MARVELD2: variants seen among roughly 807,000 people sequenced by gnomAD.
The protein encoded by MARVELD2 is MARVEL domain-containing protein 2.
Under a neutral mutation model 57.6 loss-of-function variants are expected in MARVELD2, and 49 were observed. That is an observed-to-expected ratio of 0.85 (90% CI 0.68 to 1.08). MARVELD2 has a LOEUF of 1.08. Among genes scored for constraint, MARVELD2 ranks in the 50% least tolerant of loss-of-function variants. The pLI is 0.00. For missense variants in MARVELD2, 606 were observed against 701.1 expected, an observed-to-expected ratio of 0.86 and a Z score of 1.53; for synonymous variants, 238 against 258.8, an observed-to-expected ratio of 0.92 and a Z score of 0.77.
At position 69,420,072 on chromosome 5, in the gene MARVELD2, A is replaced by G. The variant is rs1766568290; in HGVS notation, c.687A>G (p.Gln229=). ...SEWYNLFGYS[Q]PYGMGGVGGL... ...GGTACAACTTGTTTGGATATTCACA[A>G]CCGTATGGCATGGGAGGCGTTGGTG... Residue 229 remains glutamine (Q), a synonymous_variant, in exon 2 of 7, where the codon CAA becomes CAG. Coordinates refer to ENST00000325631, the MANE Select transcript of MARVELD2 (RefSeq NM_001038603.3). 2 of 1,614,206 alleles carry G rather than the reference A, an allele frequency of 1.2e-6. No individual in the cohort carries two copies. The highest frequency in any genetic ancestry group is 1.7e-6 in the Non-Finnish European group (2 of 1,180,044).
intron 3 of MARVELD2, among the ~76,000 whole-genome samples, chr5:69,427,735 T>C (rs1715354736): frequency 6.6e-6 from 1 of 152,220 alleles, no homozygotes; most frequent in Non-Finnish European, 1.5e-5. Flanking sequence ...AGAGTGGCCT[T>C]TCCCGTGCTG....
At position 69,442,826 on chromosome 5, in the gene MARVELD2, C is replaced by CTTTTTTTTTT. The variant is rs11361474; in HGVS notation, c.*1181_*1190dup. On this transcript the variant is annotated 3_prime_UTR_variant, in exon 7 of 7. Coordinates refer to ENST00000325631, the MANE Select transcript of MARVELD2 (RefSeq NM_001038603.3). The stretch of plus-strand genomic sequence containing the variant: ...ACATTGAATTGTATGAATGGTATTG[C>CTTTTTTTTTT]TTTTTTTTTTTTTTTTTTGTGAGAC... The CTTTTTTTTTT allele has an allele frequency of 7.9e-6, 1 of 126,154 alleles. No homozygotes were observed. 7.8% of individuals were successfully genotyped at this position (126,154 alleles called of 1,614,324 possible). A position where few individuals can be genotyped will look rare whatever the true frequency, so the allele number is the denominator to read the frequency against.
chr5:69,416,833 T>G (rs1430099354), intron 1 of MARVELD2, among the ~76,000 whole-genome samples: 1 of 152,212 alleles, frequency 6.6e-6, no homozygotes, highest in African/African-American at 2.4e-5. Context: ...AGTCTTCCTG[T>G]TTTACCTCTT....
At chr5:69,417,661 C>T (rs1383704067) in intron 1 of MARVELD2, among the ~76,000 whole-genome samples, 2 of 151,774 alleles carry the variant, frequency 1.3e-5, no homozygotes, top group Non-Finnish European at 2.9e-5. Context: ...AAAGAATTAG[C>T]GGCCGAGCGT....
At chr5:69,433,991 C>G (rs916887105) in intron 5 of MARVELD2, among the ~76,000 whole-genome samples, 1 of 151,096 alleles carries the variant, frequency 6.6e-6, no homozygotes, top group Non-Finnish European at 1.5e-5. Flanking sequence ...AAGATAGATA[C>G]TGAGTCAGTC....
chr5:69,421,491 A>G (rs1766623995), intron 2 of MARVELD2, among the ~76,000 whole-genome samples: 1 of 152,204 alleles, frequency 6.6e-6, no homozygotes, highest in Admixed American at 6.5e-5. Context: ...TGCACATGGT[A>G]TATATTGGGC....
chr5:69,419,853 G>A lies in MARVELD2; in HGVS notation c.468G>A (p.Arg156=). Residue 156 remains arginine, a synonymous_variant, in exon 2 of 7, where the codon CGG becomes CGA. Coordinates refer to ENST00000325631, the MANE Select transcript of MARVELD2 (RefSeq NM_001038603.3). ...SRKEADAVFP[R]DPYGSLDRHT... is the part of the protein sequence containing the mutation. ...AAGAGGCTGACGCAGTGTTTCCCCG[G>A]GATCCCTATGGATCTCTAGACCGAC... The A allele has an allele frequency of 1.9e-6, 3 of 1,614,138 alleles. No homozygotes were observed. Among genetic ancestry groups the A allele is most frequent in the Non-Finnish European group, 2.5e-6 (3 of 1,180,038 alleles).
chr5:69,425,613 A>C (rs1766765469), intron 3 of MARVELD2, among the ~76,000 whole-genome samples: 1 of 151,684 alleles, frequency 6.6e-6, no homozygotes, highest in African/African-American at 2.4e-5. Flanking sequence ...ATTCTCTGAA[A>C]CTTTCTTCAC....
At chr5:69,436,053 C>T (rs371738289) in intron 5 of MARVELD2, among the ~76,000 whole-genome samples, 2 of 152,132 alleles carry the variant, frequency 1.3e-5, no homozygotes, top group African/African-American at 4.8e-5. Context: ...GACATTTGGT[C>T]ATTTCCAAAT....
At position 69,419,549 on chromosome 5, in the gene MARVELD2, C is replaced by G. The variant is rs1370408210; in HGVS notation, c.164C>G (p.Pro55Arg). The change falls in exon 2 of 7, where the codon CCA (proline) becomes CGA (arginine). Residue 55 changes from proline to arginine, a missense_variant. Pro to Arg is a moderately radical substitution (Grantham distance 103). Coordinates refer to ENST00000325631, the MANE Select transcript of MARVELD2 (RefSeq NM_001038603.3). ...PLPPPPLPLQ[P>R]PFGPDFYSSD... is the part of the protein sequence containing the mutation. Reference sequence around the variant, plus strand: ...CCACCACCCCCTCTCCCATTACAGCCACCATTCGGCCCAGACTTCTACTCA... The same window carrying G: ...CCACCACCCCCTCTCCCATTACAGCGACCATTCGGCCCAGACTTCTACTCA... 1.2e-6 allele frequency: 2 copies of G among 1,614,034 alleles called. No individual in the cohort carries two copies. Among genetic ancestry groups the G allele is most frequent in the Non-Finnish European group, 1.7e-6 (2 of 1,180,020 alleles).
At chr5:69,436,190 C>T (rs1767131905) in intron 5 of MARVELD2, among the ~76,000 whole-genome samples, 1 of 151,912 alleles carries the variant, frequency 6.6e-6, no homozygotes, top group African/African-American at 2.4e-5. Context: ...TTTAAAAACA[C>T]AGCTTTGTAA....
At chr5:69,423,247 C>CGTTGTT (rs557387176) in intron 2 of MARVELD2, among the ~76,000 whole-genome samples, 1 of 151,952 alleles carries the variant, frequency 6.6e-6, no homozygotes, top group South Asian at 2.1e-4. Context: ...GTTTTGTTGT[C>CGTTGTT]GTTGTTGTTG....
At position 69,419,576 on chromosome 5, in the gene MARVELD2, G is replaced by A; in HGVS notation, c.191G>A (p.Ser64Asn). 2 of 1,614,100 alleles carry A rather than the reference G, an allele frequency of 1.2e-6. No individual in the cohort carries two copies. Among genetic ancestry groups the A allele is most frequent in the Non-Finnish European group, 1.7e-6 (2 of 1,180,008 alleles). ...QPPFGPDFYSSDTEEPAIAPD... is the reference protein window; with the variant it reads ...QPPFGPDFYSNDTEEPAIAPD... Reference sequence around the variant, plus strand: ...CCATTCGGCCCAGACTTCTACTCAAGTGACACAGAAGAACCAGCTATAGCG... The same window carrying A: ...CCATTCGGCCCAGACTTCTACTCAAATGACACAGAAGAACCAGCTATAGCG... The change falls in exon 2 of 7, where the codon AGT (serine) becomes AAT (asparagine). Residue 64 changes from serine (S) to asparagine (N), a missense_variant. Physicochemically the swap from Ser to Asn is conservative, Grantham distance 46 (BLOSUM62 1). Transcript: ENST00000325631.
intron 3 of MARVELD2, among the ~76,000 whole-genome samples, chr5:69,427,656 A>G (rs1766835435): frequency 6.6e-6 from 1 of 152,250 alleles, no homozygotes; most frequent in Non-Finnish European, 1.5e-5. Context: ...AAGAACGGTC[A>G]TGTTACTCTG....
chr5:69,421,958 C>T (rs868460269), intron 2 of MARVELD2, among the ~76,000 whole-genome samples: 7 of 152,066 alleles, frequency 4.6e-5, no homozygotes, highest in African/African-American at 1.4e-4. Context: ...CAAATTAATA[C>T]TTTTATAATT....
Position 69,420,057 on chromosome 5 carries a change from G to T in MARVELD2, c.672G>T (p.Leu224Phe), listed in dbSNP as rs753327558. 1 of 1,614,064 alleles carries T rather than the reference G, an allele frequency of 6.2e-7. No individual in the cohort carries two copies. The highest frequency in any genetic ancestry group is 1.3e-5 in the African/African-American group (1 of 74,930). Residue 224 changes from leucine to phenylalanine, a missense_variant, in exon 2 of 7, where the codon TTG (leucine) becomes TTT (phenylalanine). Leu to Phe is a conservative substitution (Grantham distance 22). Transcript: ENST00000325631. The part of the protein sequence containing the change: ...YIHKDSEWYN[L>F]FGYSQPYGMG... The stretch of plus-strand genomic sequence containing the variant: ...ACAAGGACAGTGAGTGGTACAACTT[G>T]TTTGGATATTCACAACCGTATGGCA...
chr5:69,423,372 C>T (rs1414386375), intron 2 of MARVELD2, among the ~76,000 whole-genome samples: 1 of 152,156 alleles, frequency 6.6e-6, no homozygotes, highest in Non-Finnish European at 1.5e-5. Flanking sequence ...ATCTTCCCAC[C>T]TCAGCCTCCC....
At chr5:69,434,940 G>A (rs1233946638) in intron 5 of MARVELD2, among the ~76,000 whole-genome samples, 1 of 150,962 alleles carries the variant, frequency 6.6e-6, no homozygotes, top group Non-Finnish European at 1.5e-5. Context: ...TGATCCACCC[G>A]CCTTAGCCTC....
chr5:69,431,626 T>C (rs1435262334), intron 3 of MARVELD2, among the ~76,000 whole-genome samples: 1 of 152,130 alleles, frequency 6.6e-6, no homozygotes, highest in East Asian at 1.9e-4. Flanking sequence ...CATTGCATCA[T>C]CCACCTTTGA....
Sources: gnomAD v4.1 joint callset for allele counts (sites outside exome capture counted in the v4.1 genomes callset) on GRCh38, gnomAD v4.1.1 for gene constraint, MANE v1.5 for transcripts, NCBI Gene and HGNC (gene_info 2026-07-23, HGNC 2026-07-21) for gene names.